Variants in SCN10A observed in about 807,000 individuals in gnomAD.
The protein encoded by SCN10A is sodium channel protein type 10 subunit alpha.
In SCN10A, 162 loss-of-function variants were observed where a neutral mutation model predicts 170.7. The observed-to-expected ratio is 0.95, with a 90% CI of 0.84 to 1.08. The LOEUF is 1.08. SCN10A is among the 50% of genes least tolerant of loss of function. The pLI is 0.00. For synonymous variants in SCN10A, 985 were observed against 904.6 expected (o/e 1.09, Z -1.59); for missense variants, 2,527 against 2,436.9 (o/e 1.04, Z -0.78).
At chr3:38,802,011 C>A (rs1260015719) in intron 1 of SCN10A, among the ~76,000 whole-genome samples, 1 of 152,124 alleles carries the variant, frequency 6.6e-6, no homozygotes, top group African/African-American at 2.4e-5. Flanking sequence ...CTTCCTCCAC[C>A]AAAATCAAGC....
Position 38,752,439 on chromosome 3 carries a change from C to T in SCN10A, c.1535G>A (p.Arg512Gln), listed in dbSNP as rs200889952. 111 of 1,612,982 alleles carry T rather than the reference C, an allele frequency of 6.9e-5. No homozygotes were observed. The Middle Eastern group carries it at 1.5e-3, about 22-fold the overall frequency. The change falls in exon 12 of 28, where the codon CGA (arginine) becomes CAA (glutamine). Residue 512 changes from arginine to glutamine, a missense_variant. Physicochemically the swap from Arg to Gln is conservative, Grantham distance 43. Coordinates refer to ENST00000449082, the MANE Select transcript of SCN10A (RefSeq NM_006514.4). ...GACTCCCTCAGGGAGTGAGATATCTCGGCCAGGGGACCGGAAATGGAACAC... is the reference window on the plus strand; with the variant it reads ...GACTCCCTCAGGGAGTGAGATATCTTGGCCAGGGGACCGGAAATGGAACAC... ...GSVFHFRSPG[R>Q]DISLPEGVTD... is the part of the protein sequence containing the mutation.
At chr3:38,760,813 G>T in intron 7 of SCN10A, 66 bp from the exon 8 acceptor site, 1 of 1,316,912 alleles carries the variant, frequency 7.6e-7, no homozygotes, top group Non-Finnish European at 1.1e-6. Context: ...GCCTTGTGTG[G>T]TGAATGCAAT....
chr3:38,754,715 A>G (rs1175372510), intron 11 of SCN10A, among the ~76,000 whole-genome samples: 1 of 152,204 alleles, frequency 6.6e-6, no homozygotes, highest in African/African-American at 2.4e-5. Flanking sequence ...ATGTGTCATG[A>G]GGTCAGTGTG....
intron 1 of SCN10A, among the ~76,000 whole-genome samples, chr3:38,815,463 G>A (rs191393165): frequency 1.3e-5 from 2 of 152,290 alleles, no homozygotes; most frequent in Non-Finnish European, 2.9e-5. Flanking sequence ...ACTTTATTCT[G>A]ATGTGTGACT....
chr3:38,708,844 T>C lies in SCN10A; in HGVS notation c.4281+634A>G, dbSNP rs565967558. On this transcript the variant is annotated intron_variant, in intron 25 of 27. Coordinates refer to ENST00000449082, the MANE Select transcript of SCN10A (RefSeq NM_006514.4). ...TTGCATGTACTCTGTGACTTATCCA[T>C]GTAGCCCCTTTTCTCTCGGGATCTC... Among the ~76,000 whole-genome samples the C allele has an allele frequency of 1.2e-3, 183 of 152,362 alleles. 1 individual carries two copies. The highest frequency in any genetic ancestry group is 8.3e-3 in the South Asian group (40 of 4,832).
At chr3:38,728,987 G>T in intron 15 of SCN10A, 86 bp from the exon 16 acceptor site, 1 of 1,508,200 alleles carries the variant, frequency 6.6e-7, no homozygotes. Flanking sequence ...AAAGATCTGG[G>T]AAAAACACAA....
intron 2 of SCN10A, among the ~76,000 whole-genome samples, 193 bp downstream of exon 2, chr3:38,793,548 T>C (rs1258500613): frequency 6.6e-6 from 1 of 152,138 alleles, no homozygotes; most frequent in Non-Finnish European, 1.5e-5. Context: ...TTAGTTTCTA[T>C]CATAAATGTC....
In SCN10A at chr3:38,697,469, G is replaced by A; in HGVS notation, c.5751C>T (p.Phe1917=). ...TAGTGACACTCTCATAGGACGGTGG[G>A]AATGATGTGGCAGAAGCAGTTTCAG... ...DKSETASATS[F]PPSYESVTRG... is the part of the protein sequence containing the mutation. The change falls in exon 28 of 28, where the codon TTC becomes TTT. Residue 1917 remains phenylalanine, a synonymous_variant. Transcript: ENST00000449082. The A allele has an allele frequency of 6.2e-7, 1 of 1,614,164 alleles. No individual in the cohort carries two copies. Among genetic ancestry groups the A allele is most frequent in the South Asian group, 1.1e-5 (1 of 91,076 alleles).
intron 12 of SCN10A, 91 bp from the exon 13 acceptor site, chr3:38,750,275 A>T: frequency 1.5e-6 from 1 of 654,492 alleles, no homozygotes; most frequent in Non-Finnish European, 2.8e-6. Context: ...GGCCAATCTC[A>T]TATATAGTCA....
chr3:38,763,479 C>A (rs1427389606), intron 6 of SCN10A, 26 bp downstream of exon 6: 1 of 1,569,262 alleles, frequency 6.4e-7, no homozygotes, highest in African/African-American at 1.4e-5. Context: ...TGAAAACCAA[C>A]ATATGCTCTG....
At chr3:38,742,585 A>G (rs1009322140) in intron 13 of SCN10A, 56 bp from the exon 14 acceptor site, 18 of 1,337,384 alleles carry the variant, frequency 1.3e-5, no homozygotes, top group Admixed American at 1.2e-4. Context: ...TTGGACCCCA[A>G]TTCTGCGGTC....
chr3:38,735,332 C>T (rs2063550191), intron 15 of SCN10A, among the ~76,000 whole-genome samples: 2 of 151,722 alleles, frequency 1.3e-5, no homozygotes, highest in African/African-American at 4.8e-5. Flanking sequence ...AAATGCTAGC[C>T]AAAAATGCCA....
Position 38,757,019 on chromosome 3 carries a change from T to G in SCN10A, c.1091A>C (p.Gln364Pro). ...TQDSWERLYQ[Q>P]TLRTSGKIYM... ...GCGTGGGGGAATGCAGCTCAGTACC[T>G]GCTGGTAGAGGCGTTCCCAGGAATC... The change falls in exon 9 of 28, where the codon CAG becomes CCG. Residue 364 changes from glutamine to proline, a missense_variant and splice_region_variant. Transcript: ENST00000449082. 3 of 1,609,382 alleles carry G rather than the reference T, an allele frequency of 1.9e-6. No individual in the cohort carries two copies. Among genetic ancestry groups the G allele is most frequent in the Non-Finnish European group, 2.5e-6 (3 of 1,177,798 alleles).
At chr3:38,724,712 G>T (rs1353244854) in intron 18 of SCN10A, among the ~76,000 whole-genome samples, 1 of 152,216 alleles carries the variant, frequency 6.6e-6, no homozygotes, top group African/African-American at 2.4e-5. Context: ...GACTTTCTTT[G>T]TGCGTTGTCT....
chr3:38,706,054 G>GT (rs1226603986), intron 26 of SCN10A, among the ~76,000 whole-genome samples: 1 of 152,138 alleles, frequency 6.6e-6, no homozygotes. Flanking sequence ...GAAGAAAGCT[G>GT]TGCCCCTACA....
intron 15 of SCN10A, among the ~76,000 whole-genome samples, chr3:38,737,677 C>CT (rs1559433643): frequency 6.6e-6 from 1 of 151,912 alleles, no homozygotes; most frequent in Admixed American, 6.6e-5. Flanking sequence ...GGATTTCTGA[C>CT]TTTTTTGGAA....
At chr3:38,786,179 G>A (rs112557765) in intron 4 of SCN10A, among the ~76,000 whole-genome samples, 3,474 of 152,154 alleles carry the variant, frequency 0.023, 117 homozygotes, top group African/African-American at 0.078. Context: ...ACAAGCATGC[G>A]TATGTTTATT....
intron 4 of SCN10A, among the ~76,000 whole-genome samples, chr3:38,782,789 A>T (rs1430945997): frequency 1.3e-5 from 2 of 152,050 alleles, no homozygotes; most frequent in African/African-American, 4.8e-5. Flanking sequence ...TTAAAAAATT[A>T]TTGGGTTTTT....
intron 22 of SCN10A, among the ~76,000 whole-genome samples, chr3:38,713,737 G>A (rs2063300246): frequency 6.6e-6 from 1 of 152,130 alleles, no homozygotes; most frequent in Non-Finnish European, 1.5e-5. Flanking sequence ...TGTCACCCAG[G>A]CTGGAGTATA....
Sources: allele counts gnomAD v4.1 joint callset (sites outside exome capture counted in the v4.1 genomes callset), GRCh38; gene constraint gnomAD v4.1.1; transcripts MANE v1.5; gene names NCBI Gene and HGNC (gene_info 2026-07-23, HGNC 2026-07-21).